The following PPP6R3 variants were observed in gnomAD, a reference collection of about 807,000 sequenced individuals.
The protein encoded by PPP6R3 is protein phosphatase 6 regulatory subunit 3.
A neutral mutation model predicts 110.7 loss-of-function variants in PPP6R3; 38 were observed. The ratio of observed to expected loss-of-function variants is 0.34; its 90% CI spans 0.26 to 0.45. The LOEUF (loss-of-function observed/expected upper bound fraction) is 0.45. Ranked by LOEUF, PPP6R3 falls within the 20% of genes least tolerant of loss-of-function variation. PPP6R3 has a pLI of 1.00. For missense variants in PPP6R3, 870 were observed against 1,062.4 expected (o/e 0.82, Z 2.52); for synonymous variants, 369 against 373.5 (o/e 0.99, Z 0.14).
chr11:68,592,978 T>C (rs892337508), intron 18 of PPP6R3, among the ~76,000 whole-genome samples: 7 of 152,224 alleles, frequency 4.6e-5, no homozygotes, highest in African/African-American at 2.4e-5. Context: ...TGGCACCTGA[T>C]ACCCAGAGGG....
chr11:68,529,635 T>C (rs938323526), intron 2 of PPP6R3, among the ~76,000 whole-genome samples: 5 of 152,242 alleles, frequency 3.3e-5, no homozygotes, highest in Non-Finnish European at 7.3e-5. Flanking sequence ...TTGAAAACTT[T>C]CTTGTTATTG....
chr11:68,464,996 C>T (rs181949400), intron 1 of PPP6R3, among the ~76,000 whole-genome samples: 51 of 152,136 alleles, frequency 3.4e-4, no homozygotes, highest in South Asian at 2.5e-3. Context: ...ATTCTCCTGC[C>T]TTAGCCTCCT....
chr11:68,508,250 T>A (rs984512926), intron 1 of PPP6R3, among the ~76,000 whole-genome samples: 2 of 148,374 alleles, frequency 1.3e-5, no homozygotes, highest in African/African-American at 2.5e-5. Context: ...TGCCTCAGTC[T>A]CCCGAGTATC....
At chr11:68,511,780 CGTGTGTGTGTGT>C (rs143019841) in intron 1 of PPP6R3, among the ~76,000 whole-genome samples, 3 of 126,508 alleles carry the variant, frequency 2.4e-5, no homozygotes, top group South Asian at 2.7e-4. Flanking sequence ...TGCGCCCAGC[CGTGTGTGTGTGT>C]GTGTGTGTGT....
At chr11:68,478,647 G>GTTTGTTTT (rs2098860395) in intron 1 of PPP6R3, among the ~76,000 whole-genome samples, 2 of 50,506 alleles carry the variant, frequency 4.0e-5, no homozygotes, top group Admixed American at 3.7e-4. Context: ...CACTTGGTAA[G>GTTTGTTTT]TTTTTTTTTT....
chr11:68,536,013 C>T (rs2099268689), intron 2 of PPP6R3, among the ~76,000 whole-genome samples: 1 of 151,954 alleles, frequency 6.6e-6, no homozygotes, highest in South Asian at 2.1e-4. Context: ...ATTATATGCT[C>T]ATATAAAATG....
intron 1 of PPP6R3, among the ~76,000 whole-genome samples, chr11:68,470,644 A>G (rs1193573426): frequency 2.0e-5 from 3 of 152,134 alleles, no homozygotes; most frequent in African/African-American, 7.2e-5. Flanking sequence ...TCTGGCAGTG[A>G]TCCAGGAGAG....
intron 4 of PPP6R3, among the ~76,000 whole-genome samples, chr11:68,547,749 T>A (rs888045324): frequency 6.6e-6 from 1 of 152,272 alleles, no homozygotes; most frequent in Non-Finnish European, 1.5e-5. Flanking sequence ...ATTCTCTTGC[T>A]CTTTATAGGC....
chr11:68,588,786 AAAG>A (rs1392434128), intron 16 of PPP6R3, among the ~76,000 whole-genome samples: 3 of 151,828 alleles, frequency 2.0e-5, no homozygotes, highest in Admixed American at 2.0e-4. Context: ...CACTGCAAGG[AAAG>A]AAGCATTCAC....
At position 68,614,801 on chromosome 11, in the gene PPP6R3, C is replaced by T; in HGVS notation, c.*1684C>T. 6.7e-7 allele frequency: 1 copy of T among 1,502,234 alleles called. No individual in the cohort carries two copies. The highest frequency in any genetic ancestry group is 9.0e-7 in the Non-Finnish European group (1 of 1,105,300). The allele number at this position is 1,502,234 out of a possible 1,614,324, so 93.1% of individuals were successfully genotyped here. On this transcript the variant is annotated 3_prime_UTR_variant, in exon 24 of 24. Coordinates refer to ENST00000393800, the MANE Select transcript of PPP6R3 (RefSeq NM_001164161.2). Reference sequence around the variant, plus strand: ...GGGCCTCCTCTGGAAGCAGCACCCCCAGAGGACAGGGCTCCTCCTGCTTGC... The same window carrying T: ...GGGCCTCCTCTGGAAGCAGCACCCCTAGAGGACAGGGCTCCTCCTGCTTGC...
At chr11:68,513,568 G>A (rs753716243) in intron 1 of PPP6R3, among the ~76,000 whole-genome samples, 10 of 152,176 alleles carry the variant, frequency 6.6e-5, no homozygotes, top group Non-Finnish European at 1.3e-4. Context: ...TCAAATACAA[G>A]TGCAACAGGT....
chr11:68,514,048 A>G (rs980595207), intron 1 of PPP6R3, among the ~76,000 whole-genome samples: 6 of 152,186 alleles, frequency 3.9e-5, no homozygotes, highest in African/African-American at 1.2e-4. Flanking sequence ...ACCCGTAGTT[A>G]TACGCATTTT....
At position 68,517,587 on chromosome 11, in the gene PPP6R3, T is replaced by C. The variant is rs985866608; in HGVS notation, c.-157-1914T>C. Among the ~76,000 whole-genome samples the C allele has an allele frequency of 3.3e-5, 5 of 152,112 alleles. No individual in the cohort carries two copies. In the East Asian group the frequency reaches 9.6e-4, roughly 29 times the overall value. On this transcript the variant is annotated intron_variant, in intron 1 of 23. Coordinates refer to ENST00000393800, the MANE Select transcript of PPP6R3 (RefSeq NM_001164161.2). Reference sequence around the variant, plus strand: ...GAACTATGAAAAGCACACAAGAGCATGCAGGAAGGGGCTCCCACTGGCCAA... The same window carrying C: ...GAACTATGAAAAGCACACAAGAGCACGCAGGAAGGGGCTCCCACTGGCCAA...
intron 22 of PPP6R3, chr11:68,609,448 A>G (rs753413203): frequency 1.2e-6 from 1 of 838,882 alleles, no homozygotes; most frequent in Middle Eastern, 2.2e-4. Flanking sequence ...AAGTGCTTTA[A>G]CTAAAGACTC....
At chr11:68,521,855 T>C (rs2099165754) in intron 2 of PPP6R3, among the ~76,000 whole-genome samples, 1 of 152,226 alleles carries the variant, frequency 6.6e-6, no homozygotes, top group Admixed American at 6.5e-5. Context: ...TGGAATTCTT[T>C]ATTCTAGGGG....
intron 3 of PPP6R3, 48 bp downstream of exon 3, chr11:68,537,939 G>T: frequency 7.3e-7 from 1 of 1,365,134 alleles, no homozygotes; most frequent in South Asian, 1.3e-5. Flanking sequence ...AGTGAAGTGG[G>T]GGTAGAATAT....
intron 1 of PPP6R3, among the ~76,000 whole-genome samples, chr11:68,479,444 C>T (rs982254626): frequency 2.6e-5 from 4 of 152,116 alleles, no homozygotes; most frequent in Non-Finnish European, 5.9e-5. Flanking sequence ...TGATGAGGGA[C>T]GCTCAACCTA....
intron 15 of PPP6R3, among the ~76,000 whole-genome samples, chr11:68,584,642 C>T (rs1351081274): frequency 1.4e-4 from 21 of 152,096 alleles, no homozygotes; most frequent in Non-Finnish European, 8.8e-5. Flanking sequence ...TATCTGGTTC[C>T]AGGGTCATAC....
Position 68,615,159 on chromosome 11 carries a change from T to C in PPP6R3, c.*2042T>C, listed in dbSNP as rs1215753049. 2.2e-6 allele frequency: 1 copy of C among 449,944 alleles called. No individual in the cohort carries two copies. The allele number at this position is 449,944 out of a possible 1,614,324, so 27.9% of individuals were successfully genotyped here. On this transcript the variant is annotated 3_prime_UTR_variant, in exon 24 of 24. Coordinates refer to ENST00000393800, the MANE Select transcript of PPP6R3 (RefSeq NM_001164161.2). ...AAGGATATGACAATGGGGAGGACAG[T>C]TCTTTTGGAGGTTGGAGGGGCCAAG...
Sources: allele counts gnomAD v4.1 joint callset (sites outside exome capture counted in the v4.1 genomes callset), GRCh38; gene constraint gnomAD v4.1.1; transcripts MANE v1.5; gene names NCBI Gene and HGNC (gene_info 2026-07-23, HGNC 2026-07-21).